CCDC180: variants seen among roughly 807,000 people sequenced by gnomAD.
CCDC180 encodes coiled-coil domain-containing protein 180.
CCDC180 carries 154 observed loss-of-function variants against 209.2 expected under a neutral mutation model. The observed-to-expected ratio is 0.74, with a 90% CI of 0.65 to 0.84. The LOEUF (loss-of-function observed/expected upper bound fraction) is 0.84. Among genes scored for constraint, CCDC180 ranks in the 40% least tolerant of loss-of-function variants. The probability of loss-of-function intolerance (pLI) is 0.00; values close to 1 mark genes in which losing one functional copy is unlikely to be tolerated. For synonymous variants in CCDC180, 778 were observed against 749.1 expected (o/e 1.04, Z -0.63); for missense variants, 1,874 against 1,997.3 (o/e 0.94, Z 1.18).
At chr9:97,316,959 C>T (rs999736444) in intron 8 of CCDC180, 106 bp from the exon 9 acceptor site, 1 of 1,160,556 alleles carries the variant, frequency 8.6e-7, no homozygotes. Flanking sequence ...GGCCCTCACC[C>T]TGCACCTCCC....
chr9:97,374,716 G>C, intron 35 of CCDC180, 68 bp downstream of exon 35: 1 of 1,296,078 alleles, frequency 7.7e-7, no homozygotes, highest in Non-Finnish European at 1.1e-6. Flanking sequence ...CAGTGTAATG[G>C]TTAGGGGCTT....
At chr9:97,314,830 A>T in intron 7 of CCDC180, 21 bp from the exon 8 acceptor site, 1 of 1,605,446 alleles carries the variant, frequency 6.2e-7, no homozygotes. Context: ...GCCACTAAGT[A>T]TGGTGCCTTG....
chr9:97,331,421 C>T (rs1026549024), intron 18 of CCDC180, among the ~76,000 whole-genome samples: 1 of 152,112 alleles, frequency 6.6e-6, no homozygotes, highest in Non-Finnish European at 1.5e-5. Context: ...GATTTACATT[C>T]CTTTGGGTAT....
intron 29 of CCDC180, among the ~76,000 whole-genome samples, chr9:97,364,850 T>C (rs1826874802): frequency 6.6e-6 from 1 of 152,240 alleles, no homozygotes; most frequent in South Asian, 2.1e-4. Context: ...ATTTGATTAC[T>C]ATTTAGGAGT....
At chr9:97,312,977 G>T (rs1259758952) in intron 4 of CCDC180, among the ~76,000 whole-genome samples, 2 of 152,116 alleles carry the variant, frequency 1.3e-5, no homozygotes, top group African/African-American at 4.8e-5. Context: ...TGCTTCCATA[G>T]AACTTTTTTT....
chr9:97,336,328 T>C (rs533150152), intron 18 of CCDC180, among the ~76,000 whole-genome samples: 2 of 152,306 alleles, frequency 1.3e-5, no homozygotes, highest in Non-Finnish European at 2.9e-5. Context: ...CCATCTTGAA[T>C]TAATTTTTGT....
chr9:97,365,487 G>A, intron 29 of CCDC180, 186 bp from the exon 30 acceptor site: 1 of 590,216 alleles, frequency 1.7e-6, no homozygotes, highest in Admixed American at 2.9e-5. Flanking sequence ...CAACCAAGAA[G>A]AGAAGAAAGT....
chr9:97,322,906 T>C lies in CCDC180; in HGVS notation c.1233T>C (p.His411=). The stretch of plus-strand genomic sequence containing the variant: ...AGACATGGCAGGAGTGCCTGATGCA[T>C]GTGCAGAATTGTAAGGTGGGCACCC... ...YEKTWQECLM[H]VQNCKKQLLD... Residue 411 remains histidine, a synonymous_variant, in exon 12 of 37, where the codon CAT becomes CAC. Coordinates refer to ENST00000529487, the MANE Select transcript of CCDC180 (RefSeq NM_020893.6). The C allele has an allele frequency of 6.2e-7, 1 of 1,613,974 alleles. No homozygotes were observed. The highest frequency in any genetic ancestry group is 8.5e-7 in the Non-Finnish European group (1 of 1,179,972).
At chr9:97,352,501 C>G (rs974994651) in intron 22 of CCDC180, among the ~76,000 whole-genome samples, 8 of 152,222 alleles carry the variant, frequency 5.3e-5, no homozygotes, top group African/African-American at 1.9e-4. Flanking sequence ...GAGGATCCAG[C>G]CTTTAGGTAG....
Position 97,330,430 on chromosome 9 carries a change from C to G in CCDC180, c.1937C>G (p.Thr646Ser). Residue 646 changes from threonine (T) to serine (S), a missense_variant, in exon 18 of 37, where the codon ACT becomes AGT. Coordinates refer to ENST00000529487, the MANE Select transcript of CCDC180 (RefSeq NM_020893.6). ...SEESISSGTSTARSVEEVEEE... is the reference protein window; with the variant it reads ...SEESISSGTSSARSVEEVEEE... ...GAAAGCATAAGTAGTGGGACAAGTACTGCCAGGTCAGTAGAAGAGGTGGAA... is the reference window on the plus strand; with the variant it reads ...GAAAGCATAAGTAGTGGGACAAGTAGTGCCAGGTCAGTAGAAGAGGTGGAA... The G allele has an allele frequency of 6.2e-7, 1 of 1,614,136 alleles. No homozygotes were observed. The highest frequency in any genetic ancestry group is 8.5e-7 in the Non-Finnish European group (1 of 1,180,028).
intron 4 of CCDC180, among the ~76,000 whole-genome samples, chr9:97,312,830 C>T (rs565980418): frequency 6.6e-6 from 1 of 152,106 alleles, no homozygotes; most frequent in Non-Finnish European, 1.5e-5. Context: ...TCTACAACCC[C>T]CCATGACTGA....
intron 18 of CCDC180, among the ~76,000 whole-genome samples, chr9:97,340,831 A>G (rs1587811579): frequency 6.6e-6 from 1 of 152,246 alleles, no homozygotes; most frequent in South Asian, 2.1e-4. Flanking sequence ...TTTAGAGAAG[A>G]GTCTGCTCCT....
intron 2 of CCDC180, among the ~76,000 whole-genome samples, chr9:97,308,900 G>A (rs964895160): frequency 6.6e-6 from 1 of 152,034 alleles, no homozygotes; most frequent in Non-Finnish European, 1.5e-5. Flanking sequence ...TTTCCTATGC[G>A]TTTTAAATTT....
In CCDC180 at chr9:97,352,775, A is replaced by C. The variant is rs781425934; in HGVS notation, c.3003-1794A>C. Among the ~76,000 whole-genome samples the C allele has an allele frequency of 2.9e-4, 44 of 152,226 alleles. 1 individual carries two copies. In the South Asian group the frequency reaches 2.9e-3, roughly 10 times the overall value. The stretch of plus-strand genomic sequence containing the variant: ...CATGTTAATCATCTCTACCTTGCTT[A>C]TCTCTGCATGTCTTGTATATTTTAG... On this transcript the variant is annotated intron_variant, in intron 22 of 36. Coordinates refer to ENST00000529487, the MANE Select transcript of CCDC180 (RefSeq NM_020893.6).
chr9:97,360,606 C>T (rs906252973), intron 26 of CCDC180, among the ~76,000 whole-genome samples: 1 of 152,174 alleles, frequency 6.6e-6, no homozygotes, highest in African/African-American at 2.4e-5. Flanking sequence ...AGTCCAAACG[C>T]TTTCACTGGA....
chr9:97,352,735 A>G (rs967863104), intron 22 of CCDC180, among the ~76,000 whole-genome samples: 3 of 152,180 alleles, frequency 2.0e-5, no homozygotes, highest in African/African-American at 7.2e-5. Context: ...AGCGAAAACT[A>G]GAACTATAAT....
In CCDC180 at chr9:97,375,569, G is replaced by A. The variant is rs752994456; in HGVS notation, c.4822G>A (p.Ala1608Thr). Reference sequence around the variant, plus strand: ...CCTGGGCCACCTGGCGGCCGTGGAAGCCCGAGATGCTGTGTACCTGGTGAG... The same window carrying A: ...CCTGGGCCACCTGGCGGCCGTGGAAACCCGAGATGCTGTGTACCTGGTGAG... ...TTLGHLAAVE[A>T]RDAVYLKYLA... Residue 1608 changes from alanine to threonine, a missense_variant, in exon 36 of 37, where the codon GCC (alanine) becomes ACC (threonine). By Grantham distance (58) the Ala-to-Thr change is moderately conservative (BLOSUM62 0). Coordinates refer to ENST00000529487, the MANE Select transcript of CCDC180 (RefSeq NM_020893.6). The A allele has an allele frequency of 1.9e-6, 3 of 1,614,138 alleles. No individual in the cohort carries two copies. The East Asian group carries it at 6.7e-5, about 36-fold the overall frequency.
At chr9:97,308,306 G>A (rs548988571) in intron 2 of CCDC180, among the ~76,000 whole-genome samples, 174 bp downstream of exon 2, 1 of 152,300 alleles carries the variant, frequency 6.6e-6, no homozygotes, top group East Asian at 1.9e-4. Context: ...TACAAAATTA[G>A]AATGTCAGTT....
At chr9:97,345,838 T>A (rs551551496) in intron 19 of CCDC180, 8 of 157,392 alleles carry the variant, frequency 5.1e-5, no homozygotes, top group Admixed American at 5.0e-4. Context: ...CTTGCCTTTT[T>A]AAACTCTCTT....
Sources: allele counts gnomAD v4.1 joint callset (sites outside exome capture counted in the v4.1 genomes callset), GRCh38; gene constraint gnomAD v4.1.1; transcripts MANE v1.5; gene names NCBI Gene and HGNC (gene_info 2026-07-23, HGNC 2026-07-21).